Variants in PIK3C2G observed in about 807,000 individuals in gnomAD.
PIK3C2G encodes phosphatidylinositol-4-phosphate 3-kinase catalytic subunit type 2 gamma.
PIK3C2G carries 168 observed loss-of-function variants against 181.1 expected under a neutral mutation model. The observed-to-expected ratio is 0.93, with a 90% CI of 0.82 to 1.05. The LOEUF is 1.05. Ranked by LOEUF, PIK3C2G falls within the 50% of genes least tolerant of loss-of-function variation. PIK3C2G has a pLI of 0.00. For missense variants in PIK3C2G, 1,869 were observed against 1,732.8 expected, an observed-to-expected ratio of 1.08 and a Z score of -1.40; for synonymous variants, 573 against 592.2, an observed-to-expected ratio of 0.97 and a Z score of 0.47.
rs190437577 is a variant in PIK3C2G, at chr12:18,293,886, C to T, written c.920-15C>T. The T allele has an allele frequency of 2.7e-5, 34 of 1,255,796 alleles. No homozygotes were observed. In the Admixed American group the frequency reaches 5.8e-4, roughly 22 times the overall value. 77.8% of individuals were successfully genotyped at this position (1,255,796 alleles called of 1,614,324 possible). ...TACACTTTTATTGACTTTTATTATTCCTCTTTTTCTTTAGCTAATTATCTT... is the reference window on the plus strand; with the variant it reads ...TACACTTTTATTGACTTTTATTATTTCTCTTTTTCTTTAGCTAATTATCTT... On this transcript the variant is annotated splice_polypyrimidine_tract_variant and intron_variant, in intron 4 of 32. Coordinates refer to ENST00000538779, the MANE Select transcript of PIK3C2G (RefSeq NM_001288772.2).
chr12:18,371,382 G>A (rs998815318), intron 13 of PIK3C2G, 71 bp downstream of exon 13: 40 of 1,293,886 alleles, frequency 3.1e-5, no homozygotes, highest in Middle Eastern at 1.9e-4. Flanking sequence ...ATATTTTGGA[G>A]TATATGGCAT....
intron 16 of PIK3C2G, among the ~76,000 whole-genome samples, chr12:18,406,575 C>T (rs892617086): frequency 9.9e-5 from 15 of 151,984 alleles, no homozygotes; most frequent in African/African-American, 2.7e-4. Flanking sequence ...GGTTTGTATC[C>T]CTTTTTAAAT....
intron 1 of PIK3C2G, among the ~76,000 whole-genome samples, chr12:18,253,462 CGT>C (rs972860334): frequency 3.9e-5 from 6 of 151,920 alleles, no homozygotes; most frequent in African/African-American, 7.2e-5. Flanking sequence ...GAGAGTAAAA[CGT>C]GTGTGTGTAT....
the PIK3C2G span, among the ~76,000 whole-genome samples, chr12:18,710,244 A>AT: frequency 4.0e-5 from 6 of 149,708 alleles, no homozygotes; most frequent in Non-Finnish European, 7.4e-5. Flanking sequence ...AGGCCTTTGA[A>AT]TTTTAAGACT....
Position 18,332,797 on chromosome 12 carries a change from G to A in PIK3C2G, c.1273-5629G>A, listed in dbSNP as rs1938121781. Among the ~76,000 whole-genome samples the A allele has an allele frequency of 2.0e-5, 3 of 152,122 alleles. No individual in the cohort carries two copies. The South Asian group carries it at 6.2e-4, about 32-fold the overall frequency. On this transcript the variant is annotated intron_variant, in intron 8 of 32. Coordinates refer to ENST00000538779, the MANE Select transcript of PIK3C2G (RefSeq NM_001288772.2). The stretch of plus-strand genomic sequence containing the variant: ...TAGAGTTTTGCTTCTTATGCAAAAA[G>A]GATCCACAGAAGTGGACAGAGCGCC...
chr12:18,313,872 A>G (rs1950746491), intron 5 of PIK3C2G, 90 bp from the exon 6 acceptor site: 3 of 740,128 alleles, frequency 4.1e-6, no homozygotes, highest in Non-Finnish European at 6.9e-6. Flanking sequence ...ACTAAGTTCC[A>G]AAAATAAAAG....
chr12:18,494,098 C>T (rs1940808003), intron 20 of PIK3C2G, among the ~76,000 whole-genome samples: 1 of 152,186 alleles, frequency 6.6e-6, no homozygotes, highest in South Asian at 2.1e-4. Flanking sequence ...ATCCTATCTT[C>T]CTTTCTTCCA....
chr12:18,697,481 T>A, the PIK3C2G span, among the ~76,000 whole-genome samples: 1 of 152,154 alleles, frequency 6.6e-6, no homozygotes, highest in Non-Finnish European at 1.5e-5. Flanking sequence ...AAGTAATAAA[T>A]GTGAATGATG....
chr12:18,549,403 A>C (rs1446388453), intron 26 of PIK3C2G, among the ~76,000 whole-genome samples: 1 of 152,096 alleles, frequency 6.6e-6, no homozygotes, highest in African/African-American at 2.4e-5. Flanking sequence ...AACTTAATGC[A>C]GTGCTTCTTG....
chr12:18,700,984 ATT>A, the PIK3C2G span, among the ~76,000 whole-genome samples: 58,516 of 149,230 alleles, frequency 0.39, 11,485 homozygotes, highest in Admixed American at 0.46. Context: ...AATTATAGAG[ATT>A]TTTTTTTTTT....
Position 18,563,498 on chromosome 12 carries a change from A to G in PIK3C2G, c.3902A>G (p.Glu1301Gly), listed in dbSNP as rs761512887. The G allele has an allele frequency of 1.9e-6, 3 of 1,613,698 alleles. No homozygotes were observed. The highest frequency in any genetic ancestry group is 2.5e-6 in the Non-Finnish European group (3 of 1,179,740). Residue 1301 changes from glutamate to glycine, a missense_variant and splice_region_variant, in exon 28 of 33, where the codon GAG becomes GGG. Physicochemically the swap from Glu to Gly is moderately conservative, Grantham distance 98. Transcript: ENST00000538779. ...CAGTTTGCATCACTGACTCTCCCAGAGTAAGGCACTGTCCTTTTACATTGT... is the reference window on the plus strand; with the variant it reads ...CAGTTTGCATCACTGACTCTCCCAGGGTAAGGCACTGTCCTTTTACATTGT... The part of the protein sequence containing the change: ...QKQFASLTLP[E>G]FPHWWHLPFT...
intron 18 of PIK3C2G, among the ~76,000 whole-genome samples, chr12:18,482,956 T>TC (rs1349126814): frequency 6.6e-6 from 1 of 152,238 alleles, no homozygotes; most frequent in Admixed American, 6.5e-5. Context: ...AGTTGGTTTT[T>TC]CGTTTACTTG....
In PIK3C2G at chr12:18,647,965, C is replaced by A. The variant is rs1180134720; in HGVS notation, c.4398C>A (p.Ile1466=). 1.2e-6 allele frequency: 2 copies of A among 1,602,586 alleles called. No individual in the cohort carries two copies. Among genetic ancestry groups the A allele is most frequent in the Non-Finnish European group, 1.7e-6 (2 of 1,173,150 alleles). The change falls in exon 33 of 33, where the codon ATC becomes ATA. Residue 1466 remains isoleucine (I), a synonymous_variant. Transcript: ENST00000538779. ...SKTVFVGAIN[I]RLCSVPLDKE... Reference sequence around the variant, plus strand: ...CTGTATTTGTGGGAGCAATTAACATCCGACTCTGTAGTGTCCCACTCGATA... The same window carrying A: ...CTGTATTTGTGGGAGCAATTAACATACGACTCTGTAGTGTCCCACTCGATA...
intron 16 of PIK3C2G, among the ~76,000 whole-genome samples, chr12:18,413,310 G>A (rs578047472): frequency 2.6e-5 from 4 of 152,160 alleles, no homozygotes; most frequent in African/African-American, 9.6e-5. Context: ...TTTCCTCCCT[G>A]TTAAGACACA....
chr12:18,650,020 A>G (rs2136877793), downstream of PIK3C2G, among the ~76,000 whole-genome samples: 1 of 152,142 alleles, frequency 6.6e-6, no homozygotes, highest in South Asian at 2.1e-4. Context: ...AAGGCTTTAT[A>G]TATCATCTGA....
chr12:18,656,889 A>G, the PIK3C2G span, among the ~76,000 whole-genome samples: 1 of 152,200 alleles, frequency 6.6e-6, no homozygotes, highest in African/African-American at 2.4e-5. Flanking sequence ...TTTCAGTAAG[A>G]GAGATGTGGT....
At chr12:18,359,887 T>C (rs1941078657) in intron 11 of PIK3C2G, among the ~76,000 whole-genome samples, 1 of 152,184 alleles carries the variant, frequency 6.6e-6, no homozygotes. Flanking sequence ...TTGGATCTTA[T>C]ATACTTTTTG....
intron 26 of PIK3C2G, among the ~76,000 whole-genome samples, chr12:18,561,768 G>A (rs1332504848): frequency 1.3e-5 from 2 of 151,100 alleles, no homozygotes; most frequent in African/African-American, 4.9e-5. Context: ...CCTTTAAAAA[G>A]CAGAGACAAC....
chr12:18,640,338 A>G (rs879352911), intron 31 of PIK3C2G, 91 bp from the exon 32 acceptor site: 6 of 1,067,850 alleles, frequency 5.6e-6, no homozygotes, highest in Non-Finnish European at 8.0e-6. Flanking sequence ...ATAAATCCTG[A>G]TCCTGCCTTT....
Sources: gnomAD v4.1 joint callset for allele counts (sites outside exome capture counted in the v4.1 genomes callset) on GRCh38, gnomAD v4.1.1 for gene constraint, MANE v1.5 for transcripts, NCBI Gene and HGNC (gene_info 2026-07-23, HGNC 2026-07-21) for gene names.